The following PKIB variants were observed in gnomAD, a reference collection of about 807,000 sequenced individuals.
The protein encoded by PKIB is PKI-beta.
A neutral mutation model predicts 4.5 loss-of-function variants in PKIB; 2 were observed. The ratio of observed to expected loss-of-function variants is 0.44; its 90% CI spans 0.18 to 1.39. The LOEUF is 1.39. Among genes scored for constraint, PKIB ranks in the 40% most tolerant of loss-of-function variants. PKIB has a pLI of 0.27. For synonymous variants in PKIB, 38 were observed against 36.0 expected, an observed-to-expected ratio of 1.06 and a Z score of -0.20; for missense variants, 94 against 92.6, an observed-to-expected ratio of 1.02 and a Z score of -0.06.
chr6:122,591,316 T>C (rs2114725154), intron 3 of PKIB, among the ~76,000 whole-genome samples: 1 of 152,166 alleles, frequency 6.6e-6, no homozygotes, highest in Non-Finnish European at 1.5e-5. Flanking sequence ...AGTTACTGAT[T>C]TTCAGTTTTT....
intron 1 of PKIB, among the ~76,000 whole-genome samples, chr6:122,616,916 G>A (rs944682544): frequency 1.1e-4 from 16 of 152,182 alleles, no homozygotes; most frequent in African/African-American, 3.4e-4. Context: ...AGTAGGCAAA[G>A]AGAGTATCTA....
At chr6:122,699,591 C>A (rs527518928) in intron 3 of PKIB, among the ~76,000 whole-genome samples, 2 of 152,116 alleles carry the variant, frequency 1.3e-5, no homozygotes, top group African/African-American at 4.8e-5. Flanking sequence ...GGGATAATAA[C>A]CCCTGCACTC....
rs541090500 is a variant in PKIB at position 122,621,733 on chromosome 6, A to G, written c.-161+11198A>G. Among the ~76,000 whole-genome samples, 21 of 152,370 alleles carry G rather than the reference A, an allele frequency of 1.4e-4. No individual in the cohort carries two copies. In the South Asian group the frequency reaches 3.9e-3, roughly 29 times the overall value. On this transcript the variant is annotated intron_variant, in intron 1 of 4. Transcript: ENST00000368452. ...AAATTTGATAGGAAATAGATTTAGA[A>G]GTGCTTTGCCTATTATGTTAAATAG...
intron 2 of PKIB, among the ~76,000 whole-genome samples, chr6:122,571,999 C>CT (rs1405080577): frequency 6.6e-6 from 1 of 152,060 alleles, no homozygotes; most frequent in Non-Finnish European, 1.5e-5. Context: ...AGAGGCCCAT[C>CT]TAACACAAAA....
intron 2 of PKIB, among the ~76,000 whole-genome samples, chr6:122,540,704 G>A (rs988698517): frequency 6.6e-6 from 1 of 152,134 alleles, no homozygotes; most frequent in South Asian, 2.1e-4. Flanking sequence ...GGTCTGCTTG[G>A]TGCAGAGCTG....
chr6:122,488,639 G>T (rs1235919073), intron 2 of PKIB, among the ~76,000 whole-genome samples: 1 of 151,936 alleles, frequency 6.6e-6, no homozygotes, highest in Non-Finnish European at 1.5e-5. Flanking sequence ...TTGCCATGTT[G>T]CCCAGGCTGT....
chr6:122,694,913 A>G (rs1311606339), intron 3 of PKIB, among the ~76,000 whole-genome samples: 1 of 152,228 alleles, frequency 6.6e-6, no homozygotes, highest in Non-Finnish European at 1.5e-5. Flanking sequence ...CTTACTGTAT[A>G]GAAATGACTA....
intron 3 of PKIB, among the ~76,000 whole-genome samples, chr6:122,711,398 A>T (rs997157885): frequency 6.6e-6 from 1 of 152,202 alleles, no homozygotes; most frequent in African/African-American, 2.4e-5. Context: ...ATATTGATGC[A>T]TCACTTAAGT....
intron 2 of PKIB, among the ~76,000 whole-genome samples, chr6:122,492,391 T>G (rs1038712669): frequency 6.6e-6 from 1 of 152,136 alleles, no homozygotes; most frequent in Non-Finnish European, 1.5e-5. Flanking sequence ...ATCTACGACC[T>G]ATGGTTACTT....
At chr6:122,500,766 CTTAA>C (rs1776208272) in intron 2 of PKIB, among the ~76,000 whole-genome samples, 2 of 152,218 alleles carry the variant, frequency 1.3e-5, no homozygotes, top group South Asian at 4.1e-4. Context: ...AGAAAAGAGG[CTTAA>C]TTAACTCACA....
At chr6:122,578,967 A>G (rs529239559) in intron 2 of PKIB, among the ~76,000 whole-genome samples, 1 of 152,118 alleles carries the variant, frequency 6.6e-6, no homozygotes, top group South Asian at 2.1e-4. Context: ...TTAGCTTTCC[A>G]TTCTGCCATG....
rs181521500 is a variant in PKIB, at chr6:122,547,200, C to T, written c.-247-38721C>T. On this transcript the variant is annotated intron_variant, in intron 2 of 6. Coordinates refer to the PKIB transcript ENST00000392491. Reference sequence around the variant, plus strand: ...GAAAGAAGAAACAAGGTGTCACGCCCAGTGTTAGGTTCCAGCCCATGCTGA... The same window carrying T: ...GAAAGAAGAAACAAGGTGTCACGCCTAGTGTTAGGTTCCAGCCCATGCTGA... 9.2e-5 allele frequency among the ~76,000 whole-genome samples: 14 copies of T among 152,096 alleles called. No homozygotes were observed. In the East Asian group the frequency reaches 1.7e-3, roughly 19 times the overall value.
At chr6:122,668,174 T>G (rs2114935162) in intron 2 of PKIB, among the ~76,000 whole-genome samples, 1 of 152,322 alleles carries the variant, frequency 6.6e-6, no homozygotes, top group Admixed American at 6.5e-5. Context: ...GTGAAAAGTA[T>G]TGTCTGGTCA....
chr6:122,519,023 T>A (rs1776851135), intron 2 of PKIB, among the ~76,000 whole-genome samples: 1 of 152,110 alleles, frequency 6.6e-6, no homozygotes, highest in Admixed American at 6.5e-5. Flanking sequence ...CTTATTGGGT[T>A]GGAAGAGCCA....
chr6:122,718,754 A>G (rs1779607378), intron 4 of PKIB, among the ~76,000 whole-genome samples: 1 of 152,138 alleles, frequency 6.6e-6, no homozygotes, highest in South Asian at 2.1e-4. Flanking sequence ...CGGGAGCCCA[A>G]GAAGAAGGCT....
intron 2 of PKIB, among the ~76,000 whole-genome samples, chr6:122,539,658 T>C (rs1464079593): frequency 3.3e-5 from 5 of 152,092 alleles, no homozygotes; most frequent in Admixed American, 2.0e-4. Context: ...TGGCTGTGTC[T>C]CTGCCAGGCT....
chr6:122,625,653 A>AT (rs1221360397), intron 1 of PKIB, among the ~76,000 whole-genome samples: 2 of 151,796 alleles, frequency 1.3e-5, no homozygotes, highest in South Asian at 2.1e-4. Flanking sequence ...AATAATAATA[A>AT]TAATTAATTA....
chr6:122,686,026 A>G (rs544639715), intron 3 of PKIB, among the ~76,000 whole-genome samples: 1 of 152,326 alleles, frequency 6.6e-6, no homozygotes, highest in Admixed American at 6.5e-5. Flanking sequence ...CATTGTGTAT[A>G]GGTATCACAT....
intron 2 of PKIB, among the ~76,000 whole-genome samples, chr6:122,497,761 G>A (rs948396054): frequency 6.6e-6 from 1 of 152,160 alleles, no homozygotes; most frequent in Non-Finnish European, 1.5e-5. Flanking sequence ...CGCAATTATA[G>A]TGGGGGACTT....
Sources: gnomAD v4.1 joint callset for allele counts (sites outside exome capture counted in the v4.1 genomes callset) on GRCh38, gnomAD v4.1.1 for gene constraint, MANE v1.5 for transcripts, NCBI Gene and HGNC (gene_info 2026-07-23, HGNC 2026-07-21) for gene names.